The following DPP6 variants were observed in gnomAD, a reference collection of about 807,000 sequenced individuals.
DPP6 encodes dipeptidyl peptidase like 6.
A neutral mutation model predicts 122.6 loss-of-function variants in DPP6; 69 were observed. The ratio of observed to expected loss-of-function variants is 0.56; its 90% confidence interval spans 0.46 to 0.69. The LOEUF is 0.69. DPP6 is among the 30% of genes least tolerant of loss of function. The probability of loss-of-function intolerance (pLI) is 0.00; values close to 1 mark genes in which losing one functional copy is unlikely to be tolerated. For missense variants in DPP6, 928 were observed against 1,116.9 expected, an observed-to-expected ratio of 0.83 and a Z score of 2.41; for synonymous variants, 418 against 433.1, an observed-to-expected ratio of 0.97 and a Z score of 0.43.
chr7:154,207,677 C>T (rs1358466865), intron 1 of DPP6, among the ~76,000 whole-genome samples: 1 of 152,152 alleles, frequency 6.6e-6, no homozygotes. Flanking sequence ...GTAAACAAAC[C>T]TAGAGCAATA....
At chr7:154,556,523 T>G (rs1388140321) in intron 4 of DPP6, among the ~76,000 whole-genome samples, 1 of 152,226 alleles carries the variant, frequency 6.6e-6, no homozygotes, top group African/African-American at 2.4e-5. Context: ...TAAGTCTCAT[T>G]GTACAAATAC....
intron 1 of DPP6, among the ~76,000 whole-genome samples, chr7:154,412,294 C>T (rs752562789): frequency 6.6e-6 from 1 of 152,176 alleles, no homozygotes; most frequent in African/African-American, 2.4e-5. Context: ...AGTCCAAAGC[C>T]AGGTGCCAGC....
chr7:154,886,458 C>T (rs1015635723), intron 22 of DPP6, among the ~76,000 whole-genome samples: 5 of 152,216 alleles, frequency 3.3e-5, no homozygotes, highest in Admixed American at 2.0e-4. Flanking sequence ...GTTCCAGGCT[C>T]CTGCATTCTC....
chr7:154,739,172 T>G (rs1409392785), intron 8 of DPP6, among the ~76,000 whole-genome samples: 1 of 152,204 alleles, frequency 6.6e-6, no homozygotes, highest in Non-Finnish European at 1.5e-5. Flanking sequence ...ACACCTCATA[T>G]GGTCCCACCA....
intron 1 of DPP6, among the ~76,000 whole-genome samples, chr7:154,159,550 G>GGTA (rs1250361655): frequency 6.6e-6 from 1 of 152,224 alleles, no homozygotes; most frequent in East Asian, 1.9e-4. Flanking sequence ...TAAATCAAAA[G>GGTA]GTAATATTTA....
At chr7:154,351,232 T>C (rs1223739453) in intron 1 of DPP6, among the ~76,000 whole-genome samples, 1 of 152,092 alleles carries the variant, frequency 6.6e-6, no homozygotes, top group Non-Finnish European at 1.5e-5. Context: ...ATGAGGACGG[T>C]TTCCCTGGTG....
chr7:154,013,209 C>T (rs1200624466), intron 1 of DPP6, among the ~76,000 whole-genome samples: 1 of 152,206 alleles, frequency 6.6e-6, no homozygotes, highest in Non-Finnish European at 1.5e-5. Context: ...TTCCTAAAAA[C>T]ACTTGCTTTA....
chr7:154,340,073 G>A (rs547196923), intron 1 of DPP6, among the ~76,000 whole-genome samples: 18 of 151,112 alleles, frequency 1.2e-4, no homozygotes, highest in African/African-American at 4.4e-4. Context: ...ACTCCACCTC[G>A]CAAAGAAAAA....
chr7:154,856,136 TAAA>T (rs1802812203), intron 17 of DPP6, among the ~76,000 whole-genome samples: 1 of 152,226 alleles, frequency 6.6e-6, no homozygotes, highest in African/African-American at 2.4e-5. Flanking sequence ...TGTGGTCTAA[TAAA>T]AAACACAAAA....
chr7:153,787,993 A>G, the DPP6 span, among the ~76,000 whole-genome samples: 2 of 152,086 alleles, frequency 1.3e-5, no homozygotes, highest in Non-Finnish European at 2.9e-5. Flanking sequence ...GGTCCTCATC[A>G]GACTGGCTAG....
intron 25 of DPP6, among the ~76,000 whole-genome samples, chr7:154,892,108 A>C (rs1806662250): frequency 2.0e-5 from 3 of 152,102 alleles, no homozygotes; most frequent in Admixed American, 6.5e-5. Flanking sequence ...TGGGTGGTGC[A>C]TGTCCACGCT....
chr7:154,575,634 T>TG (rs1831610015), intron 5 of DPP6, among the ~76,000 whole-genome samples: 2 of 112,626 alleles, frequency 1.8e-5, no homozygotes, highest in African/African-American at 7.0e-5. Flanking sequence ...GTGTGTGTGG[T>TG]GTGTGTGGTG....
intron 5 of DPP6, among the ~76,000 whole-genome samples, chr7:154,611,208 C>T (rs1833891367): frequency 1.3e-5 from 2 of 152,248 alleles, no homozygotes; most frequent in Middle Eastern, 3.4e-3. Flanking sequence ...CTACCCTCCA[C>T]CATGGTTAGA....
chr7:153,891,777 C>CGTCTCCCCCTTCCTTGGT (rs1315416417), intron 1 of DPP6, among the ~76,000 whole-genome samples: 1 of 152,128 alleles, frequency 6.6e-6, no homozygotes, highest in Non-Finnish European at 1.5e-5. Context: ...TGACCCTTGG[C>CGTCTCCCCCTTCCTTGGT]GTCTCCCCCT....
chr7:154,046,206 C>T (rs545933817), intron 1 of DPP6, among the ~76,000 whole-genome samples: 3 of 152,246 alleles, frequency 2.0e-5, no homozygotes, highest in Non-Finnish European at 2.9e-5. Flanking sequence ...GCTAAAGCAT[C>T]GGCTGTTAAT....
chr7:153,839,185 T>C, the DPP6 span, among the ~76,000 whole-genome samples: 1 of 152,164 alleles, frequency 6.6e-6, no homozygotes, highest in Non-Finnish European at 1.5e-5. Context: ...TTTCCCCCAT[T>C]GGAAACAACA....
intron 1 of DPP6, among the ~76,000 whole-genome samples, chr7:154,432,076 A>G (rs1818473260): frequency 6.6e-6 from 1 of 152,188 alleles, no homozygotes; most frequent in Admixed American, 6.5e-5. Context: ...TGCTCTGAGT[A>G]AAGCAGTTTC....
the DPP6 span, among the ~76,000 whole-genome samples, chr7:153,768,247 G>A: frequency 6.9e-6 from 1 of 144,576 alleles, no homozygotes; most frequent in African/African-American, 2.6e-5. Context: ...AGTTCTTGAT[G>A]GTAATTAGGA....
the DPP6 span, among the ~76,000 whole-genome samples, chr7:153,788,142 A>G: frequency 6.6e-6 from 1 of 152,348 alleles, no homozygotes; most frequent in Non-Finnish European, 1.5e-5. Context: ...TGAAAACCTC[A>G]ATATAGTCAA....
Sources: gnomAD v4.1 joint callset for allele counts (sites outside exome capture counted in the v4.1 genomes callset) on GRCh38, gnomAD v4.1.1 for gene constraint, MANE v1.5 for transcripts, NCBI Gene and HGNC (gene_info 2026-07-23, HGNC 2026-07-21) for gene names.